SIK2: variants seen among roughly 807,000 people sequenced by gnomAD.
The protein encoded by SIK2 is salt inducible kinase 2.
A neutral mutation model predicts 103.2 loss-of-function variants in SIK2; 29 were observed. The ratio of observed to expected loss-of-function variants is 0.28; its 90% CI spans 0.21 to 0.38. SIK2 has a LOEUF of 0.38. Ranked by LOEUF, SIK2 falls within the 10% of genes least tolerant of loss-of-function variation. The pLI is 1.00. For synonymous variants in SIK2, 412 were observed against 446.1 expected (o/e 0.92, Z 0.96); for missense variants, 879 against 1,171.0 (o/e 0.75, Z 3.64).
intron 9 of SIK2, among the ~76,000 whole-genome samples, chr11:111,715,755 T>G (rs1280864804): frequency 4.6e-5 from 7 of 150,980 alleles, no homozygotes; most frequent in Non-Finnish European, 1.0e-4. Context: ...AGGAATTTTA[T>G]ATACATACAT....
At chr11:111,666,880 G>T (rs1372890030) in intron 3 of SIK2, among the ~76,000 whole-genome samples, 2 of 152,000 alleles carry the variant, frequency 1.3e-5, no homozygotes, top group East Asian at 1.9e-4. Context: ...CAGATAAATA[G>T]TCATGACATA....
intron 9 of SIK2, among the ~76,000 whole-genome samples, chr11:111,714,497 T>C (rs1369831754): frequency 6.6e-6 from 1 of 152,146 alleles, no homozygotes; most frequent in Non-Finnish European, 1.5e-5. Flanking sequence ...GAGAAACTGG[T>C]GACCAGGAAG....
intron 3 of SIK2, among the ~76,000 whole-genome samples, chr11:111,687,605 A>T (rs1340799071): frequency 2.9e-5 from 4 of 136,692 alleles, no homozygotes; most frequent in African/African-American, 1.1e-4. Context: ...GTTTTTTTTA[A>T]AAAAAAAAAC....
At chr11:111,650,012 G>A in intron 3 of SIK2, among the ~76,000 whole-genome samples, 1 of 152,198 alleles carries the variant, frequency 6.6e-6, no homozygotes, top group Non-Finnish European at 1.5e-5. Context: ...AAACTCAGTA[G>A]TGTCTTCTCA....
intron 3 of SIK2, among the ~76,000 whole-genome samples, chr11:111,657,377 G>A (rs1159722285): frequency 6.6e-6 from 1 of 151,910 alleles, no homozygotes; most frequent in Non-Finnish European, 1.5e-5. Flanking sequence ...TATACTGGGG[G>A]TCTTTTTGGG....
chr11:111,626,546 T>C (rs1273909053), intron 3 of SIK2, among the ~76,000 whole-genome samples: 1 of 152,098 alleles, frequency 6.6e-6, no homozygotes, highest in African/African-American at 2.4e-5. Context: ...TAACCACTGT[T>C]AATGCCTCAG....
At chr11:111,646,299 A>G (rs958427320) in intron 3 of SIK2, among the ~76,000 whole-genome samples, 1 of 152,016 alleles carries the variant, frequency 6.6e-6, no homozygotes, top group African/African-American at 2.4e-5. Context: ...AAAATACAAA[A>G]TTAGCTAGGT....
At chr11:111,698,598 C>T (rs1943135051) in intron 4 of SIK2, among the ~76,000 whole-genome samples, 1 of 152,180 alleles carries the variant, frequency 6.6e-6, no homozygotes, top group Non-Finnish European at 1.5e-5. Context: ...AAAAATTAGC[C>T]TGGTGTGGTG....
chr11:111,699,322 T>C (rs1188681994), intron 4 of SIK2, among the ~76,000 whole-genome samples: 1 of 152,224 alleles, frequency 6.6e-6, no homozygotes, highest in African/African-American at 2.4e-5. Flanking sequence ...AAACTTTTTC[T>C]ACCCCTCCTA....
At position 111,638,862 on chromosome 11, in the gene SIK2, TTTG is replaced by T. The variant is rs568766333; in HGVS notation, c.316+18472_316+18474del. On this transcript the variant is annotated intron_variant, in intron 3 of 14. Coordinates refer to ENST00000304987, the MANE Select transcript of SIK2 (RefSeq NM_015191.3). The stretch of plus-strand genomic sequence containing the variant: ...TCCTGCTTCTTGGTATGTTTAATTT[TTTG>T]TTGTTGTTGTTTTTTTGTTTTGTTT... Among the ~76,000 whole-genome samples the T allele has an allele frequency of 1.7e-3, 257 of 152,312 alleles. 1 individual carries two copies. The highest frequency in any genetic ancestry group is 3.1e-3 in the Non-Finnish European group (211 of 68,012).
chr11:111,663,630 G>A (rs1942496988), intron 3 of SIK2, among the ~76,000 whole-genome samples: 1 of 152,186 alleles, frequency 6.6e-6, no homozygotes, highest in Non-Finnish European at 1.5e-5. Context: ...GTGGAGAACA[G>A]ACTGGAGTGG....
intron 3 of SIK2, chr11:111,671,570 G>T: frequency 6.1e-6 from 2 of 326,874 alleles, no homozygotes; most frequent in East Asian, 1.7e-4. Context: ...GCCTGGCTGT[G>T]ATTGGAGATG....
chr11:111,650,168 A>C (rs969076984), intron 3 of SIK2, among the ~76,000 whole-genome samples: 10 of 152,060 alleles, frequency 6.6e-5, no homozygotes, highest in Non-Finnish European at 1.2e-4. Flanking sequence ...TAATTTAGAT[A>C]CATTTTAAAT....
At chr11:111,644,671 G>T (rs1942231940) in intron 3 of SIK2, among the ~76,000 whole-genome samples, 1 of 152,184 alleles carries the variant, frequency 6.6e-6, no homozygotes, top group South Asian at 2.1e-4. Flanking sequence ...CTCAGAAACT[G>T]TTATGAAGTT....
intron 4 of SIK2, among the ~76,000 whole-genome samples, chr11:111,692,953 T>A (rs1942982271): frequency 6.6e-6 from 1 of 152,130 alleles, no homozygotes; most frequent in Non-Finnish European, 1.5e-5. Context: ...CAAAATGGAA[T>A]AGAAGTATCA....
chr11:111,666,482 G>T (rs1281450402), intron 3 of SIK2, among the ~76,000 whole-genome samples: 1 of 152,140 alleles, frequency 6.6e-6, no homozygotes, highest in Admixed American at 6.6e-5. Context: ...AAAGCTGAAG[G>T]TAAGTTTAGG....
chr11:111,705,589 A>G lies in SIK2; in HGVS notation c.1101+450A>G, dbSNP rs1943326136. ...AGATGAGAGCTGTAGCAGAGCAGGG[A>G]CAGGGGAGAGAGGGGCACATCTGAA... On this transcript the variant is annotated intron_variant, in intron 8 of 14. Coordinates refer to ENST00000304987, the MANE Select transcript of SIK2 (RefSeq NM_015191.3). This position sits in a 1 kb window ranked among gnomAD's most constrained non-coding sequence, Gnocchi z 4.3. Among the ~76,000 whole-genome samples the G allele has an allele frequency of 6.6e-6, 1 of 152,182 alleles. No individual in the cohort carries two copies. The highest frequency in any genetic ancestry group is 6.5e-5 in the Admixed American group (1 of 15,282).
intron 3 of SIK2, among the ~76,000 whole-genome samples, chr11:111,672,951 A>G (rs1942649258): frequency 6.6e-6 from 1 of 152,160 alleles, no homozygotes. Context: ...TTTATTTTAA[A>G]CTTTGTGCAT....
At chr11:111,641,939 A>T (rs1309655340) in intron 3 of SIK2, among the ~76,000 whole-genome samples, 1 of 152,148 alleles carries the variant, frequency 6.6e-6, no homozygotes, top group Admixed American at 6.5e-5. Context: ...TCATTTGTAA[A>T]ATAGTTGATG....
Sources: gnomAD v4.1 joint callset for allele counts (sites outside exome capture counted in the v4.1 genomes callset) on GRCh38, gnomAD v4.1.1 for gene constraint, Gnocchi (gnomAD v3.1) non-coding constraint, MANE v1.5 for transcripts, NCBI Gene and HGNC (gene_info 2026-07-23, HGNC 2026-07-21) for gene names.